Variants in PARL observed in about 807,000 individuals in gnomAD.
PARL encodes the protein presenilin-associated rhomboid-like protein, mitochondrial.
PARL carries 44 observed loss-of-function variants against 51.6 expected under a neutral mutation model. The observed-to-expected ratio is 0.85, with a 90% CI of 0.67 to 1.10. The LOEUF (loss-of-function observed/expected upper bound fraction) is 1.10, where lower values mean the gene tolerates loss of function less well. Ranked by LOEUF, PARL falls within the 50% of genes least tolerant of loss-of-function variation. The pLI, the probability that PARL is intolerant of heterozygous loss-of-function variation, is 0.00. For synonymous variants in PARL, 172 were observed against 164.0 expected (o/e 1.05, Z -0.37); for missense variants, 441 against 469.5 (o/e 0.94, Z 0.56).
chr3:183,833,704 C>T lies in PARL; in HGVS notation c.930+20G>A. ...AACATCACCACTATCCCCAGCACTG[C>T]ACTTCATAAAAATACTTACATTCCC... is the stretch of plus-strand genomic sequence containing the variant. On this transcript the variant is annotated intron_variant, in intron 8 of 9. Transcript: ENST00000317096. 1.3e-6 allele frequency: 2 copies of T among 1,524,826 alleles called. No individual in the cohort carries two copies. The highest frequency in any genetic ancestry group is 1.8e-6 in the Non-Finnish European group (2 of 1,098,600). 94.5% of individuals were successfully genotyped at this position (1,524,826 alleles called of 1,614,324 possible). A position where few individuals can be genotyped will look rare whatever the true frequency, so the allele number is the denominator to read the frequency against.
chr3:183,867,907 A>T lies in PARL; in HGVS notation c.279T>A (p.Tyr93Ter), dbSNP rs771536687. Residue 93 changes from tyrosine (Y) to a stop codon, truncating the protein, a stop_gained, in exon 2 of 10, where the codon TAT becomes TAA. Transcript: ENST00000317096. LOFTEE classifies it high-confidence loss of function. ...AAGGTTTTATGAGACTCCTTATAGGATAGGGAGAAGGATAAAAGACTGTTT... is the reference window on the plus strand; with the variant it reads ...AAGGTTTTATGAGACTCCTTATAGGTTAGGGAGAAGGATAAAAGACTGTTT... ...VEETVFYPSP[Y>*]PIRSLIKPLF... The T allele has an allele frequency of 6.2e-7, 1 of 1,613,940 alleles. No individual in the cohort carries two copies. The highest frequency in any genetic ancestry group is 1.7e-5 in the Admixed American group (1 of 60,028).
intron 4 of PARL, among the ~76,000 whole-genome samples, chr3:183,852,416 G>C (rs1391981411): frequency 6.6e-6 from 1 of 152,152 alleles, no homozygotes; most frequent in Non-Finnish European, 1.5e-5. Context: ...AAAAATTATG[G>C]TTCCACTTAT....
chr3:183,855,555 G>A (rs966568715), intron 4 of PARL, among the ~76,000 whole-genome samples: 1 of 152,158 alleles, frequency 6.6e-6, no homozygotes, highest in Non-Finnish European at 1.5e-5. Context: ...AATGATTCAA[G>A]TGCATTACAT....
chr3:183,846,232 T>C (rs573092416), intron 4 of PARL, among the ~76,000 whole-genome samples: 5 of 152,292 alleles, frequency 3.3e-5, no homozygotes, highest in South Asian at 4.2e-4. Context: ...GGCTCACGTC[T>C]GTAATCCCAG....
intron 7 of PARL, among the ~76,000 whole-genome samples, chr3:183,838,646 A>G (rs1169786291): frequency 6.6e-6 from 1 of 152,172 alleles, no homozygotes; most frequent in East Asian, 1.9e-4. Flanking sequence ...TGTTATCCCC[A>G]TTTTATAAAG....
intron 5 of PARL, among the ~76,000 whole-genome samples, chr3:183,842,761 T>C (rs945042720): frequency 3.9e-5 from 5 of 128,256 alleles, no homozygotes; most frequent in African/African-American, 1.5e-4. Flanking sequence ...TGAGCCAAGA[T>C]TGAGCCACTG....
intron 3 of PARL, among the ~76,000 whole-genome samples, chr3:183,865,998 G>A (rs985722918): frequency 3.3e-5 from 5 of 151,452 alleles, no homozygotes; most frequent in Admixed American, 2.6e-4. Flanking sequence ...TCCTGCCTCA[G>A]CTTCCTGAGT....
At position 183,842,340 on chromosome 3, in the gene PARL, T is replaced by G. The variant is rs1577303151; in HGVS notation, c.715A>C (p.Ile239Leu). ...LWSFSSSIVN[I>L]LGQEQFMAVY... ...GCCATGAACTGCTCTTGACCCAGAA[T>G]GTTCACTATGCTGGAAGAGAAGCTC... The change falls in exon 6 of 10, where the codon ATT (isoleucine) becomes CTT (leucine). Residue 239 changes from isoleucine to leucine, a missense_variant. By Grantham distance (5) the Ile-to-Leu change is conservative. Transcript: ENST00000317096. 1 of 1,613,338 alleles carries G rather than the reference T, an allele frequency of 6.2e-7. No homozygotes were observed. Among genetic ancestry groups the G allele is most frequent in the African/African-American group, 1.3e-5 (1 of 74,886 alleles).
chr3:183,882,635 T>C (rs1734699306), intron 1 of PARL, among the ~76,000 whole-genome samples: 1 of 152,210 alleles, frequency 6.6e-6, no homozygotes, highest in African/African-American at 2.4e-5. Context: ...TAAGATTTTT[T>C]TCCCCTTTTG....
intron 4 of PARL, among the ~76,000 whole-genome samples, chr3:183,848,641 C>T (rs1306617964): frequency 6.6e-6 from 1 of 152,194 alleles, no homozygotes; most frequent in Non-Finnish European, 1.5e-5. Context: ...CATTATTTGA[C>T]CTGGCTGTTG....
chr3:183,876,840 G>T lies in PARL; in HGVS notation c.125+7882C>A, dbSNP rs150066465. ...CAACATTAACAGTTTAGAAGAAGTT[G>T]ATTACAACACTCAAGTATGACTTTG... On this transcript the variant is annotated intron_variant, in intron 1 of 9. Transcript: ENST00000317096. 1.2e-4 allele frequency among the ~76,000 whole-genome samples: 19 copies of T among 152,258 alleles called. No individual in the cohort carries two copies. The East Asian group carries it at 2.9e-3, about 23-fold the overall frequency.
At chr3:183,826,716 A>C (rs1354192903), downstream of PARL, 1 of 985,292 alleles carries the variant, frequency 1.0e-6, no homozygotes, top group Non-Finnish European at 1.2e-6. Flanking sequence ...GCGAGGCGCC[A>C]GGTGTAGAGG....
At chr3:183,863,823 T>C (rs2108669803) in intron 3 of PARL, among the ~76,000 whole-genome samples, 1 of 152,348 alleles carries the variant, frequency 6.6e-6, no homozygotes, top group African/African-American at 2.4e-5. Context: ...AGGACTTTCA[T>C]GTTTCCATGT....
chr3:183,840,709 C>CT (rs34558001), intron 6 of PARL, 69 bp from the exon 7 acceptor site: 144,636 of 592,594 alleles, frequency 0.24, 2,429 homozygotes, highest in East Asian at 0.31. Context: ...TTTTTCTTTT[C>CT]TTTTTTTTTT....
intron 5 of PARL, 104 bp downstream of exon 5, chr3:183,844,127 C>T (rs900529738): frequency 8.5e-6 from 7 of 821,790 alleles, no homozygotes; most frequent in Non-Finnish European, 1.5e-5. Context: ...TTGCTTGTAG[C>T]TATTGATAGG....
chr3:183,849,426 C>A (rs1318016675), intron 4 of PARL, among the ~76,000 whole-genome samples: 1 of 151,848 alleles, frequency 6.6e-6, no homozygotes, highest in Non-Finnish European at 1.5e-5. Flanking sequence ...TCCTAAATAA[C>A]CAACGGTTCA....
chr3:183,845,271 G>A (rs943799599), intron 4 of PARL, among the ~76,000 whole-genome samples: 8 of 151,962 alleles, frequency 5.3e-5, no homozygotes, highest in Non-Finnish European at 1.0e-4. Context: ...TGTGGCTTCC[G>A]CAGTTGCTCA....
At chr3:183,856,848 T>C (rs1731234953) in intron 4 of PARL, among the ~76,000 whole-genome samples, 1 of 152,192 alleles carries the variant, frequency 6.6e-6, no homozygotes, top group East Asian at 1.9e-4. Flanking sequence ...TAAGACAACT[T>C]TGCAATACAC....
Position 183,862,738 on chromosome 3 carries a change from T to C in PARL, c.511+15A>G. ...TCTTCCCTTGAATGGTTAAAACGTG[T>C]AAGCTAACACAAACCTGTCACAGTC... is the stretch of plus-strand genomic sequence containing the variant. On this transcript the variant is annotated intron_variant, in intron 4 of 9. Transcript: ENST00000317096. The C allele has an allele frequency of 6.2e-7, 1 of 1,608,174 alleles. No homozygotes were observed. Among genetic ancestry groups the C allele is most frequent in the Non-Finnish European group, 8.5e-7 (1 of 1,174,554 alleles).
Sources: gnomAD v4.1 joint callset for allele counts (sites outside exome capture counted in the v4.1 genomes callset) on GRCh38, gnomAD v4.1.1 for gene constraint, MANE v1.5 for transcripts, NCBI Gene and HGNC (gene_info 2026-07-23, HGNC 2026-07-21) for gene names.